MEIS1: variants seen among roughly 807,000 people sequenced by gnomAD.
MEIS1 encodes the protein homeobox protein Meis1.
Under a neutral mutation model 50.8 loss-of-function variants are expected in MEIS1, and 5 were observed. The observed-to-expected ratio is 0.10, with a 90% CI of 0.05 to 0.21. The LOEUF (loss-of-function observed/expected upper bound fraction) is 0.21. Ranked by LOEUF, MEIS1 falls within the 10% of genes least tolerant of loss-of-function variation. The pLI is 1.00. For synonymous variants in MEIS1, 176 were observed against 179.3 expected, an observed-to-expected ratio of 0.98 and a Z score of 0.15; for missense variants, 318 against 517.3, an observed-to-expected ratio of 0.61 and a Z score of 3.74.
intron 8 of MEIS1, among the ~76,000 whole-genome samples, chr2:66,535,088 A>G (rs1031710321): frequency 6.6e-6 from 1 of 152,196 alleles, no homozygotes; most frequent in African/African-American, 2.4e-5. Context: ...ATGAAGCTAC[A>G]GCTTTTTATT....
intron 8 of MEIS1, among the ~76,000 whole-genome samples, chr2:66,539,818 G>C (rs577017646): frequency 1.1e-4 from 16 of 152,296 alleles, no homozygotes; most frequent in Admixed American, 2.6e-4. Context: ...AACTTTCCCT[G>C]ACAGCCCCCT....
intron 7 of MEIS1, among the ~76,000 whole-genome samples, chr2:66,490,529 G>T (rs184314241): frequency 6.6e-6 from 1 of 152,240 alleles, no homozygotes; most frequent in East Asian, 1.9e-4. Flanking sequence ...GCCATTTTAG[G>T]GTGTTATAAA....
At position 66,559,197 on chromosome 2, in the gene MEIS1, G is replaced by A. The variant is rs114944601; in HGVS notation, c.966-8256G>A. ...AAACAAGTAAACAAAAAAACCTGATGTATATGGGGGCTGGTTGCCATTCTA... is the reference window on the plus strand; with the variant it reads ...AAACAAGTAAACAAAAAAACCTGATATATATGGGGGCTGGTTGCCATTCTA... On this transcript the variant is annotated intron_variant, in intron 9 of 12. Coordinates refer to ENST00000272369, the MANE Select transcript of MEIS1 (RefSeq NM_002398.3). Among the ~76,000 whole-genome samples the A allele has an allele frequency of 5.4e-3, 816 of 151,956 alleles. 3 individuals carry two copies. The highest frequency in any genetic ancestry group is 8.8e-3 in the Non-Finnish European group (599 of 67,942).
intron 6 of MEIS1, among the ~76,000 whole-genome samples, chr2:66,448,471 T>C (rs982673360): frequency 2.6e-5 from 4 of 152,168 alleles, no homozygotes; most frequent in Non-Finnish European, 4.4e-5. Context: ...AAAACTAGCT[T>C]ACCTTCCCTA....
In MEIS1 at chr2:66,522,137, G is replaced by A. The variant is rs139898957; in HGVS notation, c.888+9843G>A. Among the ~76,000 whole-genome samples the A allele has an allele frequency of 1.4e-3, 206 of 152,328 alleles. 1 individual carries two copies. The highest frequency in any genetic ancestry group is 4.6e-3 in the African/African-American group (193 of 41,566). Reference sequence around the variant, plus strand: ...CGTTGGAGAAATTTTAAAGATTAGTGGAATTTGGTTCCTTCTTTCTAGCCA... The same window carrying A: ...CGTTGGAGAAATTTTAAAGATTAGTAGAATTTGGTTCCTTCTTTCTAGCCA... On this transcript the variant is annotated intron_variant, in intron 8 of 12. Transcript: ENST00000272369.
chr2:66,499,697 A>T (rs1673501023), intron 7 of MEIS1, among the ~76,000 whole-genome samples: 1 of 38,902 alleles, frequency 2.6e-5, no homozygotes. Flanking sequence ...TACATAGGTT[A>T]AAAAAAAAAA....
At chr2:66,501,763 A>G (rs1673563537) in intron 7 of MEIS1, among the ~76,000 whole-genome samples, 1 of 152,166 alleles carries the variant, frequency 6.6e-6, no homozygotes, top group African/African-American at 2.4e-5. Flanking sequence ...AGTAAACTAT[A>G]AATCTGAACA....
intron 7 of MEIS1, among the ~76,000 whole-genome samples, chr2:66,492,570 G>A (rs1673299084): frequency 6.6e-6 from 1 of 152,188 alleles, no homozygotes. Flanking sequence ...AGAAGGAGAA[G>A]GATGTCAGGA....
chr2:66,554,049 C>T (rs1312129592), intron 9 of MEIS1, among the ~76,000 whole-genome samples: 2 of 152,168 alleles, frequency 1.3e-5, no homozygotes, highest in African/African-American at 4.8e-5. Flanking sequence ...CTGAGCTTCT[C>T]AGGAGGACAA....
At position 66,440,630 on chromosome 2, in the gene MEIS1, T is replaced by G; in HGVS notation, c.432+18T>G. On this transcript the variant is annotated intron_variant, in intron 4 of 12. Transcript: ENST00000272369. The stretch of plus-strand genomic sequence containing the variant: ...ATAACTTGGTAAGAGCGGACCCCTA[T>G]TTCCCTCCCCCGCCCCCGACCCCCT... The G allele has an allele frequency of 1.3e-6, 2 of 1,587,112 alleles. No individual in the cohort carries two copies. The highest frequency in any genetic ancestry group is 8.6e-7 in the Non-Finnish European group (1 of 1,162,998).
intron 7 of MEIS1, among the ~76,000 whole-genome samples, chr2:66,488,157 A>T (rs1018434958): frequency 1.3e-5 from 2 of 152,194 alleles, no homozygotes; most frequent in Admixed American, 6.5e-5. Flanking sequence ...TGATTTGTGT[A>T]TTTAACTATT....
intron 8 of MEIS1, among the ~76,000 whole-genome samples, chr2:66,529,471 C>T (rs2103890189): frequency 6.6e-6 from 1 of 152,344 alleles, no homozygotes; most frequent in East Asian, 1.9e-4. Flanking sequence ...GGGTCTCAAT[C>T]TGTTGCCCAA....
At chr2:66,570,913 A>G (rs1675470370) in intron 12 of MEIS1, 1 of 270,170 alleles carries the variant, frequency 3.7e-6, no homozygotes, top group African/African-American at 2.3e-5. Context: ...AGCTCAGTGT[A>G]TTCTTGTATT....
In MEIS1 at chr2:66,464,205, A is replaced by T. The variant is rs1439134180; in HGVS notation, c.727A>T (p.Asn243Tyr). Residue 243 changes from asparagine (N) to tyrosine (Y), a missense_variant, in exon 7 of 13, where the codon AAC (asparagine) becomes TAC (tyrosine). By Grantham distance (143) the Asn-to-Tyr change is moderately radical. Coordinates refer to ENST00000272369, the MANE Select transcript of MEIS1 (RefSeq NM_002398.3). ...SGGHTSHSGD[N>Y]SSEQGDGLDN... The stretch of plus-strand genomic sequence containing the variant: ...TGGCCACACGTCACACAGTGGGGAC[A>T]ACAGCAGTGAGCAAGGTAGGAGAGA... The T allele has an allele frequency of 6.3e-7, 1 of 1,598,606 alleles. No individual in the cohort carries two copies. The highest frequency in any genetic ancestry group is 8.5e-7 in the Non-Finnish European group (1 of 1,172,662).
chr2:66,564,474 G>C (rs1675291571), intron 9 of MEIS1, among the ~76,000 whole-genome samples: 1 of 152,156 alleles, frequency 6.6e-6, no homozygotes, highest in African/African-American at 2.4e-5. Context: ...ACAAAGATCA[G>C]CCTACTGAGC....
chr2:66,474,091 ATT>A (rs35282974), intron 7 of MEIS1, among the ~76,000 whole-genome samples: 2 of 150,198 alleles, frequency 1.3e-5, no homozygotes, highest in African/African-American at 4.9e-5. Context: ...GCAATCATCC[ATT>A]TTTTTTTTCA....
intron 9 of MEIS1, among the ~76,000 whole-genome samples, chr2:66,548,312 T>TC (rs1674840415): frequency 1.3e-5 from 2 of 151,504 alleles, no homozygotes; most frequent in African/African-American, 4.9e-5. Flanking sequence ...CTCTATGGCT[T>TC]TTTTTTTCCC....
intron 2 of MEIS1, among the ~76,000 whole-genome samples, chr2:66,438,707 C>G (rs1277908428): frequency 1.3e-5 from 2 of 152,154 alleles, no homozygotes; most frequent in African/African-American, 4.8e-5. Flanking sequence ...CTAGTAGAAT[C>G]CTTTGAAACT....
intron 4 of MEIS1, chr2:66,441,136 G>C: frequency 2.3e-6 from 1 of 434,886 alleles, no homozygotes. Flanking sequence ...GGTGGGGTGG[G>C]GCCAGTGGGA....
Sources: gnomAD v4.1 joint callset for allele counts (sites outside exome capture counted in the v4.1 genomes callset) on GRCh38, gnomAD v4.1.1 for gene constraint, MANE v1.5 for transcripts, NCBI Gene and HGNC (gene_info 2026-07-23, HGNC 2026-07-21) for gene names.